The following MYO5A variants were observed in gnomAD, a reference collection of about 807,000 sequenced individuals.
The protein encoded by MYO5A is myosin VA.
In MYO5A, 98 loss-of-function variants were observed where a neutral mutation model predicts 249.7. The ratio of observed to expected loss-of-function variants is 0.39; its 90% confidence interval spans 0.33 to 0.46. The LOEUF (loss-of-function observed/expected upper bound fraction) is 0.46, where lower values mean the gene tolerates loss of function less well. MYO5A is among the 20% of genes least tolerant of loss of function. MYO5A has a pLI of 0.98. For synonymous variants in MYO5A, 778 were observed against 810.6 expected, an observed-to-expected ratio of 0.96 and a Z score of 0.68; for missense variants, 1,696 against 2,308.8, an observed-to-expected ratio of 0.73 and a Z score of 5.44.
rs1314009935 is a variant in MYO5A, at chr15:52,334,170, ACCCATCTCTTC to A, written c.4408+2282_4408+2292del. ...ATTAGTAATATCTTAAAATAGTCTA[ACCCATCTCTTC>A]AACTAAAAAATATACATATCAAAGA... On this transcript the variant is annotated intron_variant, in intron 34 of 41. Transcript: ENST00000399233. 2.0e-5 allele frequency among the ~76,000 whole-genome samples: 3 copies of A among 152,356 alleles called. No homozygotes were observed. In the East Asian group the frequency reaches 5.8e-4, roughly 29 times the overall value.
rs187270024 is a variant in MYO5A, at chr15:52,335,579, G to A, written c.4408+884C>T. ...TAGCCTTGTTCACTGCTAGATCCCT[G>A]TACCTATAACTCTTAACAAATAAAC... On this transcript the variant is annotated intron_variant, in intron 34 of 41. Transcript: ENST00000399233. 2.0e-5 allele frequency among the ~76,000 whole-genome samples: 3 copies of A among 148,098 alleles called. No homozygotes were observed. The Admixed American group carries it at 2.0e-4, about 10-fold the overall frequency.
chr15:52,503,540 G>A (rs1294539725), intron 1 of MYO5A, among the ~76,000 whole-genome samples: 1 of 152,136 alleles, frequency 6.6e-6, no homozygotes, highest in Non-Finnish European at 1.5e-5. Context: ...AGGCTGAAGT[G>A]GGAGGATCAC....
rs1183806482 is a variant in MYO5A, at chr15:52,384,235, G to A, written c.1840C>T (p.Arg614Ter). The A allele has an allele frequency of 6.2e-7, 1 of 1,614,222 alleles. No individual in the cohort carries two copies. The highest frequency in any genetic ancestry group is 8.5e-7 in the Non-Finnish European group (1 of 1,180,018). Residue 614 changes from arginine (R) to a stop codon, truncating the protein, a stop_gained, in exon 15 of 42, where the codon CGA (arginine) becomes TGA (stop). Coordinates refer to ENST00000399233, the MANE Select transcript of MYO5A (RefSeq NM_001382347.1). LOFTEE classifies it high-confidence loss of function. ...CCTTTGGTGGGCTTTGCAGGAGTTC[G>A]TGTGAGGGGTGTGCGCCCTGAGGAG... ...ATSSGRTPLT[R>*]TPAKPTKGRP...
intron 24 of MYO5A, 58 bp from the exon 25 acceptor site, chr15:52,360,139 A>C: frequency 1.7e-6 from 2 of 1,162,770 alleles, no homozygotes; most frequent in South Asian, 2.6e-5. Context: ...AGGCATAGTT[A>C]AGACAGCATC....
At chr15:52,354,567 T>C (rs2040115171) in intron 25 of MYO5A, among the ~76,000 whole-genome samples, 1 of 152,178 alleles carries the variant, frequency 6.6e-6, no homozygotes, top group Non-Finnish European at 1.5e-5. Flanking sequence ...TTAAAAAGAA[T>C]GAAGTAGGCC....
intron 3 of MYO5A, among the ~76,000 whole-genome samples, chr15:52,427,205 C>T (rs2075414843): frequency 1.3e-5 from 2 of 152,028 alleles, no homozygotes; most frequent in Admixed American, 1.3e-4. Flanking sequence ...TTAATGAAGT[C>T]GTCCATTCAA....
intron 5 of MYO5A, among the ~76,000 whole-genome samples, chr15:52,411,677 A>G (rs1173305505): frequency 6.6e-6 from 1 of 152,244 alleles, no homozygotes; most frequent in East Asian, 1.9e-4. Context: ...AAACCACAGC[A>G]GACAGAAAGA....
intron 4 of MYO5A, among the ~76,000 whole-genome samples, chr15:52,420,017 G>T (rs11853337): frequency 0.15 from 22,856 of 152,070 alleles, 1,822 homozygotes; most frequent in Middle Eastern, 0.22. Flanking sequence ...ACTTTAAAAT[G>T]TGACTAGGCC....
At chr15:52,509,848 T>A (rs2077353721) in intron 1 of MYO5A, among the ~76,000 whole-genome samples, 1 of 151,792 alleles carries the variant, frequency 6.6e-6, no homozygotes, top group Non-Finnish European at 1.5e-5. Flanking sequence ...CTTAAAAAGG[T>A]CTCAAGTGAA....
chr15:52,388,173 G>A (rs1290343361), intron 13 of MYO5A, among the ~76,000 whole-genome samples: 2 of 152,174 alleles, frequency 1.3e-5, no homozygotes, highest in Admixed American at 6.6e-5. Context: ...GTTAGTGGGT[G>A]AGCAGATTAG....
At chr15:52,371,617 G>A (rs898780170) in intron 21 of MYO5A, among the ~76,000 whole-genome samples, 1 of 152,118 alleles carries the variant, frequency 6.6e-6, no homozygotes, top group African/African-American at 2.4e-5. Context: ...GCCAGGCATG[G>A]TAGCTCATGC....
chr15:52,492,524 G>C (rs2076955135), intron 1 of MYO5A, among the ~76,000 whole-genome samples: 1 of 152,200 alleles, frequency 6.6e-6, no homozygotes, highest in Non-Finnish European at 1.5e-5. Context: ...CAGAAGGAAA[G>C]CAAGTATTCA....
At chr15:52,410,511 T>C in intron 5 of MYO5A, 35 bp from the exon 6 acceptor site, 1 of 1,578,916 alleles carries the variant, frequency 6.3e-7, no homozygotes, top group Non-Finnish European at 8.7e-7. Context: ...ATTTTAGAAG[T>C]GTAATTCATA....
chr15:52,501,445 A>G (rs1296392666), intron 1 of MYO5A, among the ~76,000 whole-genome samples: 2 of 152,068 alleles, frequency 1.3e-5, no homozygotes, highest in Non-Finnish European at 2.9e-5. Flanking sequence ...ACAAAAAAAT[A>G]CAAAAATTAG....
chr15:52,424,021 C>A (rs554766612), intron 4 of MYO5A, among the ~76,000 whole-genome samples: 21 of 152,164 alleles, frequency 1.4e-4, no homozygotes, highest in Non-Finnish European at 2.5e-4. Flanking sequence ...TAGAGTCTAG[C>A]CACCCATGTG....
At chr15:52,418,118 G>A (rs10083671) in intron 4 of MYO5A, among the ~76,000 whole-genome samples, 74,068 of 151,996 alleles carry the variant, frequency 0.49, 21,126 homozygotes, top group Non-Finnish European at 0.63. Context: ...ATAAATGAAG[G>A]CTCAGAATCA....
intron 32 of MYO5A, among the ~76,000 whole-genome samples, chr15:52,339,335 C>T (rs963629201): frequency 2.0e-5 from 3 of 152,024 alleles, no homozygotes; most frequent in Admixed American, 6.5e-5. Flanking sequence ...AGACACAAAT[C>T]ACCACCAATC....
intron 4 of MYO5A, among the ~76,000 whole-genome samples, chr15:52,419,469 C>G (rs2043683947): frequency 6.6e-6 from 1 of 152,156 alleles, no homozygotes. Flanking sequence ...GCTCTGCTCT[C>G]TGTGTCTCTC....
At chr15:52,528,506 C>G (rs1317614356) in intron 1 of MYO5A, among the ~76,000 whole-genome samples, 1 of 152,252 alleles carries the variant, frequency 6.6e-6, no homozygotes, top group Non-Finnish European at 1.5e-5. Flanking sequence ...CCTTTCCACT[C>G]CGAAGCCCGC....
Sources: gnomAD v4.1 joint callset for allele counts (sites outside exome capture counted in the v4.1 genomes callset) on GRCh38, gnomAD v4.1.1 for gene constraint, MANE v1.5 for transcripts, NCBI Gene and HGNC (gene_info 2026-07-23, HGNC 2026-07-21) for gene names.